The following PPM1L variants were observed in gnomAD, a reference collection of about 807,000 sequenced individuals.
The protein encoded by PPM1L is protein phosphatase, Mg2+/Mn2+ dependent 1L.
A neutral mutation model predicts 31.4 loss-of-function variants in PPM1L; 13 were observed. That is an observed-to-expected ratio of 0.41 (90% CI 0.27 to 0.66). PPM1L has a LOEUF of 0.66. Among genes scored for constraint, PPM1L ranks in the 30% least tolerant of loss-of-function variants. The probability of loss-of-function intolerance (pLI) is 0.29; values close to 1 mark genes in which losing one functional copy is unlikely to be tolerated. For missense variants in PPM1L, 326 were observed against 453.7 expected (o/e 0.72, Z 2.56); for synonymous variants, 184 against 175.4 (o/e 1.05, Z -0.39).
chr3:160,816,963 G>A (rs554786531), intron 1 of PPM1L, among the ~76,000 whole-genome samples: 4 of 152,082 alleles, frequency 2.6e-5, no homozygotes, highest in East Asian at 3.9e-4. Flanking sequence ...AGTTCTTGGC[G>A]TTACTAGTGA....
At chr3:160,966,796 C>T (rs567146801) in intron 2 of PPM1L, among the ~76,000 whole-genome samples, 2 of 152,234 alleles carry the variant, frequency 1.3e-5, no homozygotes, top group East Asian at 3.9e-4. Flanking sequence ...AGATTCCTGA[C>T]ATTGCACTAC....
chr3:161,048,354 G>T (rs1214422399), intron 2 of PPM1L, among the ~76,000 whole-genome samples: 1 of 152,196 alleles, frequency 6.6e-6, no homozygotes, highest in Non-Finnish European at 1.5e-5. Context: ...GGCCATCAGA[G>T]AAATGCAAAT....
chr3:160,992,140 C>A (rs1027673580), intron 2 of PPM1L, among the ~76,000 whole-genome samples: 1 of 152,130 alleles, frequency 6.6e-6, no homozygotes, highest in African/African-American at 2.4e-5. Flanking sequence ...AATTCCCAAC[C>A]ATTATACTAT....
At chr3:160,836,733 TA>T (rs1357733115) in intron 1 of PPM1L, among the ~76,000 whole-genome samples, 1 of 152,218 alleles carries the variant, frequency 6.6e-6, no homozygotes, top group African/African-American at 2.4e-5. Context: ...AATCCATCTT[TA>T]GTCAATCAAG....
intron 2 of PPM1L, among the ~76,000 whole-genome samples, chr3:161,028,082 C>T (rs1048836531): frequency 1.3e-5 from 2 of 152,170 alleles, no homozygotes; most frequent in African/African-American, 4.8e-5. Context: ...CCACTAGGCT[C>T]TTCTCATAAT....
In PPM1L at chr3:161,078,620, ATCTG is replaced by A. The variant is rs1559948555; in HGVS notation, c.*9465_*9468del. On this transcript the variant is annotated 3_prime_UTR_variant, in exon 4 of 4. Coordinates refer to ENST00000498165, the MANE Select transcript of PPM1L (RefSeq NM_139245.4). Reference sequence around the variant, plus strand: ...TCTTCAGAGGTTATTATACCTACTGATCTGTATTTGTCTCTAAGAGACATTTGAA... The same window carrying A: ...TCTTCAGAGGTTATTATACCTACTGATATTTGTCTCTAAGAGACATTTGAA... 1 of 152,224 alleles carries A rather than the reference ATCTG, an allele frequency of 6.6e-6. No individual in the cohort carries two copies. The highest frequency in any genetic ancestry group is 1.5e-5 in the Non-Finnish European group (1 of 68,040). 9.4% of individuals were successfully genotyped at this position (152,224 alleles called of 1,614,324 possible).
intron 1 of PPM1L, chr3:160,842,201 T>TA: frequency 1.4e-6 from 1 of 695,094 alleles, no homozygotes; most frequent in Non-Finnish European, 2.6e-6. Context: ...AACTTGGAGA[T>TA]AGGAAGAATT....
At chr3:160,764,085 C>T (rs940600568) in intron 1 of PPM1L, among the ~76,000 whole-genome samples, 5 of 152,070 alleles carry the variant, frequency 3.3e-5, no homozygotes, top group Non-Finnish European at 4.4e-5. Flanking sequence ...TCTACTGTTA[C>T]ATTTTTGGTG....
intron 1 of PPM1L, among the ~76,000 whole-genome samples, chr3:160,895,879 A>G (rs942615849): frequency 6.6e-6 from 1 of 152,142 alleles, no homozygotes; most frequent in Non-Finnish European, 1.5e-5. Context: ...GCTTCACTCT[A>G]TTTGCTGTGC....
At chr3:160,944,811 C>CAT (rs1424848811) in intron 1 of PPM1L, among the ~76,000 whole-genome samples, 159 of 6,886 alleles carry the variant, frequency 0.023, 12 homozygotes, top group African/African-American at 0.052. Flanking sequence ...ACATATATAA[C>CAT]ATATATATGT....
intron 1 of PPM1L, among the ~76,000 whole-genome samples, chr3:160,820,589 A>C (rs1177646518): frequency 6.6e-6 from 1 of 152,038 alleles, no homozygotes; most frequent in African/African-American, 2.4e-5. Context: ...ATGTTGCGCT[A>C]AGATAGATAT....
At chr3:161,008,432 A>G (rs909025693) in intron 2 of PPM1L, among the ~76,000 whole-genome samples, 3 of 152,220 alleles carry the variant, frequency 2.0e-5, no homozygotes, top group Non-Finnish European at 2.9e-5. Context: ...ATAAAAATGG[A>G]TAGTTTCCCC....
rs1394463430 is a variant in PPM1L, at chr3:160,901,374, T to A, written c.400-60362T>A. On this transcript the variant is annotated intron_variant, in intron 1 of 3. Coordinates refer to ENST00000498165, the MANE Select transcript of PPM1L (RefSeq NM_139245.4). ...ATCTTTGACCCTCCACACCCCATTC[T>A]CTGACACAGCAGCCAGTCAGCATCC... Among the ~76,000 whole-genome samples the A allele has an allele frequency of 3.9e-5, 6 of 152,202 alleles. No individual in the cohort carries two copies. In the East Asian group the frequency reaches 1.2e-3, roughly 29 times the overall value.
intron 1 of PPM1L, among the ~76,000 whole-genome samples, chr3:160,869,279 G>A (rs1346360422): frequency 3.9e-5 from 6 of 152,140 alleles, no homozygotes; most frequent in Admixed American, 6.5e-5. Context: ...GCAGCGTAGA[G>A]GTAGGACTAT....
intron 1 of PPM1L, among the ~76,000 whole-genome samples, chr3:160,813,201 C>T (rs922001830): frequency 2.4e-4 from 36 of 152,134 alleles, no homozygotes; most frequent in African/African-American, 8.0e-4. Context: ...TTCAATTTTA[C>T]ATCCCCCAAA....
chr3:161,052,506 A>T (rs1290430175), intron 2 of PPM1L, among the ~76,000 whole-genome samples: 1 of 152,204 alleles, frequency 6.6e-6, no homozygotes, highest in African/African-American at 2.4e-5. Context: ...GTGAATTTCC[A>T]CAGTCTCCTT....
chr3:160,972,130 T>C (rs568950572), intron 2 of PPM1L, among the ~76,000 whole-genome samples: 3 of 152,352 alleles, frequency 2.0e-5, no homozygotes, highest in African/African-American at 7.2e-5. Context: ...TAGTTTATAT[T>C]AATATGCTAT....
intron 2 of PPM1L, among the ~76,000 whole-genome samples, chr3:161,019,587 T>G (rs1390696365): frequency 6.6e-6 from 1 of 152,186 alleles, no homozygotes; most frequent in Non-Finnish European, 1.5e-5. Flanking sequence ...GATGGAAATT[T>G]GTTCAGAAGT....
intron 1 of PPM1L, among the ~76,000 whole-genome samples, chr3:160,811,194 A>G (rs1712792688): frequency 6.6e-6 from 1 of 152,364 alleles, no homozygotes; most frequent in Non-Finnish European, 1.5e-5. Flanking sequence ...GGGTCTAAGT[A>G]CGGGGCCACT....
Sources: allele counts gnomAD v4.1 joint callset (sites outside exome capture counted in the v4.1 genomes callset), GRCh38; gene constraint gnomAD v4.1.1; transcripts MANE v1.5; gene names NCBI Gene and HGNC (gene_info 2026-07-23, HGNC 2026-07-21).